The following ERICH6B variants were observed in gnomAD, a reference collection of about 807,000 sequenced individuals.
ERICH6B encodes the protein glutamate-rich protein 6B.
A neutral mutation model predicts 80.0 loss-of-function variants in ERICH6B; 69 were observed. That is an observed-to-expected ratio of 0.86 (90% confidence interval 0.71 to 1.05). The LOEUF is 1.05. Ranked by LOEUF, ERICH6B falls within the 50% of genes least tolerant of loss-of-function variation. The pLI, the probability that ERICH6B is intolerant of heterozygous loss-of-function variation, is 0.00. For synonymous variants in ERICH6B, 283 were observed against 291.9 expected (o/e 0.97, Z 0.31); for missense variants, 754 against 796.1 (o/e 0.95, Z 0.64).
intron 9 of ERICH6B, among the ~76,000 whole-genome samples, chr13:45,567,292 A>T (rs1874957315): frequency 6.6e-6 from 1 of 152,172 alleles, no homozygotes; most frequent in Non-Finnish European, 1.5e-5. Context: ...GAAATGAGTT[A>T]AGACTTTGGG....
intron 7 of ERICH6B, among the ~76,000 whole-genome samples, chr13:45,579,613 C>T (rs914719244): frequency 3.3e-5 from 5 of 152,198 alleles, no homozygotes; most frequent in African/African-American, 1.2e-4. Flanking sequence ...GTGCAGGTAT[C>T]CCAGTCAAAC....
intron 2 of ERICH6B, among the ~76,000 whole-genome samples, chr13:45,603,316 G>A (rs1045442358): frequency 1.3e-5 from 2 of 152,138 alleles, no homozygotes; most frequent in African/African-American, 2.4e-5. Context: ...CAGAAATAAT[G>A]AGCCTCCCTT....
At chr13:45,579,057 AT>A (rs34222971) in intron 7 of ERICH6B, among the ~76,000 whole-genome samples, 47,482 of 152,118 alleles carry the variant, frequency 0.31, 8,265 homozygotes, top group East Asian at 0.59. Flanking sequence ...GAAAGGTCAG[AT>A]CTCAAATCTC....
At chr13:45,590,027 T>C (rs886684328) in intron 4 of ERICH6B, among the ~76,000 whole-genome samples, 2 of 152,128 alleles carry the variant, frequency 1.3e-5, no homozygotes, top group African/African-American at 2.4e-5. Context: ...ATAACCAAAC[T>C]GGTCCCGTGC....
chr13:45,594,441 G>C (rs1021012140), intron 3 of ERICH6B, among the ~76,000 whole-genome samples: 13 of 152,328 alleles, frequency 8.5e-5, no homozygotes, highest in African/African-American at 2.9e-4. Context: ...AAGAATGCTT[G>C]ATTCATACCG....
At chr13:45,599,328 C>A (rs913410232) in intron 2 of ERICH6B, among the ~76,000 whole-genome samples, 1 of 152,052 alleles carries the variant, frequency 6.6e-6, no homozygotes. Flanking sequence ...GGAGCCTGTG[C>A]GTGGAGAGTT....
chr13:45,580,787 G>C, intron 5 of ERICH6B, 122 bp from the exon 6 acceptor site: 1 of 894,028 alleles, frequency 1.1e-6, no homozygotes, highest in East Asian at 2.7e-5. Context: ...CAACAGTTGG[G>C]GGGAACTGAG....
rs1250564929 is a variant in ERICH6B, at chr13:45,596,487, T to C, written c.519A>G (p.Lys173=). 8 of 1,551,328 alleles carry C rather than the reference T, an allele frequency of 5.2e-6. No homozygotes were observed. Among genetic ancestry groups the C allele is most frequent in the South Asian group, 1.2e-5 (1 of 84,044 alleles). ...GAGCCTTTTCCTCTTCTAGATATGATTTCTTCCCCAGATACTCCTCCTCCT... is the reference window on the plus strand; with the variant it reads ...GAGCCTTTTCCTCTTCTAGATATGACTTCTTCCCCAGATACTCCTCCTCCT... ...YLEEEEYLGK[K]SYLEEEKALE... is the part of the protein sequence containing the mutation. Residue 173 remains lysine (K), a synonymous_variant, in exon 3 of 15, where the codon AAA becomes AAG. Transcript: ENST00000298738.
intron 9 of ERICH6B, among the ~76,000 whole-genome samples, chr13:45,565,362 T>C (rs753198543): frequency 1.1e-4 from 17 of 152,058 alleles, no homozygotes; most frequent in Admixed American, 3.9e-4. Flanking sequence ...AACAGACCCA[T>C]GGGGGCACAA....
chr13:45,562,804 A>G (rs1197287714), intron 10 of ERICH6B, among the ~76,000 whole-genome samples: 1 of 152,328 alleles, frequency 6.6e-6, no homozygotes, highest in East Asian at 1.9e-4. Context: ...TAGAGGTGAC[A>G]CAGGATTCAG....
chr13:45,564,061 G>A (rs1485905228), intron 9 of ERICH6B, among the ~76,000 whole-genome samples: 2 of 152,152 alleles, frequency 1.3e-5, no homozygotes, highest in Non-Finnish European at 2.9e-5. Context: ...ATTCAACTAG[G>A]GTAATCTTGG....
intron 9 of ERICH6B, 87 bp from the exon 10 acceptor site, chr13:45,563,875 T>C (rs894038836): frequency 3.5e-6 from 4 of 1,130,364 alleles, no homozygotes; most frequent in Non-Finnish European, 5.1e-6. Flanking sequence ...TACTGGAGCC[T>C]GCAGAGTCTC....
chr13:45,586,651 C>T (rs1047288194), intron 5 of ERICH6B, among the ~76,000 whole-genome samples: 13 of 152,148 alleles, frequency 8.5e-5, no homozygotes, highest in Admixed American at 2.6e-4. Flanking sequence ...TTTCCATTTT[C>T]CACATGATTA....
rs146549423 is a variant in ERICH6B at position 45,602,632 on chromosome 13, C to T, written c.-59+4932G>A. Among the ~76,000 whole-genome samples, 1,433 of 152,308 alleles carry T rather than the reference C, an allele frequency of 9.4e-3. 6 individuals carry two copies. The highest frequency in any genetic ancestry group is 0.068 in the Middle Eastern group (20 of 294). On this transcript the variant is annotated intron_variant, in intron 2 of 14. Transcript: ENST00000298738. ...TTGGCATCTCTGCTGGGATGTCTAA[C>T]AGACGTCTCAAACTCACTGTGCCTA...
chr13:45,603,768 G>C (rs937192290), intron 2 of ERICH6B, among the ~76,000 whole-genome samples: 2 of 151,996 alleles, frequency 1.3e-5, no homozygotes, highest in Non-Finnish European at 2.9e-5. Context: ...TTTCCCCTTT[G>C]TCCCCAGAGC....
intron 11 of ERICH6B, among the ~76,000 whole-genome samples, chr13:45,556,827 G>T (rs996288361): frequency 6.6e-6 from 1 of 151,556 alleles, no homozygotes; most frequent in Non-Finnish European, 1.5e-5. Flanking sequence ...TTCTTTATCC[G>T]CTCATTTGTT....
chr13:45,612,525 G>T (rs1324235262), intron 1 of ERICH6B, among the ~76,000 whole-genome samples: 1 of 152,208 alleles, frequency 6.6e-6, no homozygotes, highest in Non-Finnish European at 1.5e-5. Flanking sequence ...CTGGGGTATG[G>T]GGCCCATGAG....
chr13:45,558,641 A>G (rs1874534720), intron 11 of ERICH6B, among the ~76,000 whole-genome samples: 1 of 152,060 alleles, frequency 6.6e-6, no homozygotes. Context: ...TTTAATTATA[A>G]AGGGATTCTG....
At chr13:45,590,484 T>C (rs1199690725) in intron 4 of ERICH6B, among the ~76,000 whole-genome samples, 165 bp downstream of exon 4, 1 of 152,114 alleles carries the variant, frequency 6.6e-6, no homozygotes, top group African/African-American at 2.4e-5. Flanking sequence ...TGTGAGTGAC[T>C]GAGTGGCAGA....
Sources: allele counts gnomAD v4.1 joint callset (sites outside exome capture counted in the v4.1 genomes callset), GRCh38; gene constraint gnomAD v4.1.1; transcripts MANE v1.5; gene names NCBI Gene and HGNC (gene_info 2026-07-23, HGNC 2026-07-21).